Variants in CDC42BPA observed in about 807,000 individuals in gnomAD.
The protein encoded by CDC42BPA is serine/threonine-protein kinase MRCK alpha.
In CDC42BPA, 80 loss-of-function variants were observed where a neutral mutation model predicts 223.5. The ratio of observed to expected loss-of-function variants is 0.36; its 90% CI spans 0.30 to 0.43. The LOEUF (loss-of-function observed/expected upper bound fraction) is 0.43. Ranked by LOEUF, CDC42BPA falls within the 20% of genes least tolerant of loss-of-function variation. The probability of loss-of-function intolerance (pLI) is 1.00; values close to 1 mark genes in which losing one functional copy is unlikely to be tolerated. For missense variants in CDC42BPA, 1,743 were observed against 2,099.9 expected, an observed-to-expected ratio of 0.83 and a Z score of 3.32; for synonymous variants, 694 against 718.6, an observed-to-expected ratio of 0.97 and a Z score of 0.55.
chr1:227,280,579 C>T (rs898442762), intron 1 of CDC42BPA, among the ~76,000 whole-genome samples: 10 of 152,282 alleles, frequency 6.6e-5, no homozygotes, highest in African/African-American at 1.9e-4. Context: ...TATATGCATC[C>T]GCATATCCCT....
intron 34 of CDC42BPA, chr1:227,010,912 G>C: frequency 2.2e-6 from 3 of 1,365,172 alleles, no homozygotes; most frequent in Non-Finnish European, 2.9e-6. Flanking sequence ...ACCAGGGACA[G>C]AGCGCAGAGA....
chr1:227,286,587 T>C (rs1256505875), intron 1 of CDC42BPA, among the ~76,000 whole-genome samples: 1 of 152,180 alleles, frequency 6.6e-6, no homozygotes. Context: ...CCTCCGTACG[T>C]TATCCAGTTC....
At chr1:227,021,748 G>A (rs566267969) in intron 32 of CDC42BPA, among the ~76,000 whole-genome samples, 102 of 152,128 alleles carry the variant, frequency 6.7e-4, no homozygotes, top group Non-Finnish European at 1.4e-3. Flanking sequence ...GGCCAGGCGC[G>A]GTGGCTCACG....
intron 31 of CDC42BPA, among the ~76,000 whole-genome samples, chr1:227,025,457 A>C (rs536474000): frequency 6.6e-6 from 1 of 152,324 alleles, no homozygotes; most frequent in East Asian, 1.9e-4. Context: ...CTAATCATAC[A>C]TGCTATATAT....
intron 1 of CDC42BPA, among the ~76,000 whole-genome samples, chr1:227,281,494 G>A (rs1301016179): frequency 6.6e-6 from 1 of 152,126 alleles, no homozygotes; most frequent in African/African-American, 2.4e-5. Flanking sequence ...CAGTAGACAT[G>A]AGGCCCTCAA....
intron 34 of CDC42BPA, among the ~76,000 whole-genome samples, chr1:227,007,602 A>T (rs879817050): frequency 3.3e-4 from 51 of 152,298 alleles, no homozygotes; most frequent in African/African-American, 6.5e-4. Flanking sequence ...GTGTATTTTT[A>T]AAAAAATGTT....
intron 35 of CDC42BPA, 94 bp downstream of exon 35, chr1:227,004,900 C>A (rs199864484): frequency 4.6e-6 from 4 of 867,634 alleles, no homozygotes; most frequent in Non-Finnish European, 6.0e-6. Flanking sequence ...AATGGGCACA[C>A]GTAAGTGAAG....
At chr1:227,266,424 A>G (rs1685010563) in intron 1 of CDC42BPA, among the ~76,000 whole-genome samples, 1 of 152,206 alleles carries the variant, frequency 6.6e-6, no homozygotes. Context: ...TAACACTGAC[A>G]CTGCTGAGCC....
At chr1:227,222,826 T>A (rs1676178512) in intron 2 of CDC42BPA, among the ~76,000 whole-genome samples, 1 of 152,246 alleles carries the variant, frequency 6.6e-6, no homozygotes, top group South Asian at 2.1e-4. Context: ...TAAATTTGTA[T>A]GCCTTTTCTC....
intron 34 of CDC42BPA, among the ~76,000 whole-genome samples, chr1:227,011,328 A>G (rs1462286890): frequency 6.6e-6 from 1 of 152,220 alleles, no homozygotes; most frequent in African/African-American, 2.4e-5. Context: ...TCAGAGATAC[A>G]AGACTTTCAG....
At chr1:227,182,939 C>G (rs1272988504) in intron 5 of CDC42BPA, 4 of 152,234 alleles carry the variant, frequency 2.6e-5, no homozygotes, top group Non-Finnish European at 2.9e-5. Flanking sequence ...TGGACTTGCA[C>G]CAGCAGCTTC....
Position 227,318,153 on chromosome 1 carries a change from C to CGGGGGG in CDC42BPA, c.-977_-972dup, listed in dbSNP as rs149726943. 18 of 166,226 alleles carry CGGGGGG rather than the reference C, an allele frequency of 1.1e-4. No individual in the cohort carries two copies. The highest frequency in any genetic ancestry group is 4.2e-4 in the African/African-American group (17 of 40,064). The allele number at this position is 166,226 out of a possible 1,614,324, so 10.3% of individuals were successfully genotyped here. ...CGCCGGAGGCTCCCGACGCCCCAGG[C>CGGGGGG]GGGGGGGTGCTTCTCTGAATTCAAA... On this transcript the variant is annotated 5_prime_UTR_variant, in exon 1 of 37. Transcript: ENST00000366766.
At chr1:227,230,816 CTTTCT>C (rs1369171138) in intron 2 of CDC42BPA, among the ~76,000 whole-genome samples, 6 of 54,064 alleles carry the variant, frequency 1.1e-4, no homozygotes, top group African/African-American at 1.9e-4. Context: ...TTTTTTCTTT[CTTTCT>C]TTTTTTTTTT....
chr1:227,220,585 A>G (rs1273720109), intron 2 of CDC42BPA, among the ~76,000 whole-genome samples: 1 of 151,440 alleles, frequency 6.6e-6, no homozygotes, highest in Admixed American at 6.6e-5. Context: ...TGTCCTATCT[A>G]CTCTTCACCA....
chr1:227,117,921 A>G (rs1688029211), intron 12 of CDC42BPA, among the ~76,000 whole-genome samples: 1 of 152,094 alleles, frequency 6.6e-6, no homozygotes, highest in South Asian at 2.1e-4. Flanking sequence ...AATTCTTATA[A>G]CCAGTAAGAA....
At chr1:227,057,299 A>G (rs1674781353) in intron 21 of CDC42BPA, among the ~76,000 whole-genome samples, 1 of 152,240 alleles carries the variant, frequency 6.6e-6, no homozygotes. Flanking sequence ...GTTTAATAGC[A>G]TACTAGAAAC....
intron 1 of CDC42BPA, among the ~76,000 whole-genome samples, chr1:227,289,765 G>A (rs548384062): frequency 4.6e-5 from 7 of 151,852 alleles, no homozygotes; most frequent in Non-Finnish European, 1.0e-4. Flanking sequence ...CTTATGTTTC[G>A]GCGGAAAATA....
At chr1:227,156,920 C>T (rs1662926617) in intron 6 of CDC42BPA, among the ~76,000 whole-genome samples, 1 of 152,144 alleles carries the variant, frequency 6.6e-6, no homozygotes, top group East Asian at 1.9e-4. Flanking sequence ...TCTCTGTTTT[C>T]TCAACTCAGC....
intron 1 of CDC42BPA, among the ~76,000 whole-genome samples, chr1:227,303,213 C>T (rs1691970675): frequency 6.6e-6 from 1 of 152,180 alleles, no homozygotes; most frequent in African/African-American, 2.4e-5. Context: ...ACAAATCTCA[C>T]TGTAGTGTGA....
Sources: gnomAD v4.1 joint callset for allele counts (sites outside exome capture counted in the v4.1 genomes callset) on GRCh38, gnomAD v4.1.1 for gene constraint, MANE v1.5 for transcripts, NCBI Gene and HGNC (gene_info 2026-07-23, HGNC 2026-07-21) for gene names.